NTN1: variants seen among roughly 807,000 people sequenced by gnomAD.
NTN1 encodes netrin-1.
In NTN1, 11 loss-of-function variants were observed where a neutral mutation model predicts 54.2. That is an observed-to-expected ratio of 0.20 (90% CI 0.13 to 0.34). NTN1 has a LOEUF of 0.34. Ranked by LOEUF, NTN1 falls within the 10% of genes least tolerant of loss-of-function variation. The pLI is 1.00. For synonymous variants in NTN1, 371 were observed against 382.0 expected (o/e 0.97, Z 0.33); for missense variants, 740 against 893.1 (o/e 0.83, Z 2.18).
rs149600082 is a variant in NTN1, at chr17:9,135,962, A to G, written c.1019-26851A>G. ...CGCACGCTCACTCATACATGTGTGCACGTGCCTACTCAAACTCGACACCCA... is the reference window on the plus strand; with the variant it reads ...CGCACGCTCACTCATACATGTGTGCGCGTGCCTACTCAAACTCGACACCCA... On this transcript the variant is annotated intron_variant, in intron 2 of 6. Transcript: ENST00000173229. The surrounding 1 kb of genome is among the most constrained non-coding windows in gnomAD (Gnocchi z 4.4). Among the ~76,000 whole-genome samples, 582 of 152,286 alleles carry G rather than the reference A, an allele frequency of 3.8e-3. 3 individuals are homozygous for G. The highest frequency in any genetic ancestry group is 0.014 in the African/African-American group (565 of 41,562).
intron 2 of NTN1, among the ~76,000 whole-genome samples, chr17:9,061,501 T>C (rs1231775237): frequency 6.6e-6 from 1 of 152,134 alleles, no homozygotes; most frequent in African/African-American, 2.4e-5. Context: ...CAAGTGGTTG[T>C]CACATTTTGG....
chr17:9,144,263 ATG>A (rs2092306861), intron 2 of NTN1, among the ~76,000 whole-genome samples: 1 of 151,706 alleles, frequency 6.6e-6, no homozygotes, highest in African/African-American at 2.4e-5. Flanking sequence ...CTGTAGAGCC[ATG>A]TGTCCAGCAT....
intron 4 of NTN1, among the ~76,000 whole-genome samples, chr17:9,182,500 C>T (rs1301427332): frequency 1.3e-5 from 2 of 152,232 alleles, no homozygotes; most frequent in Non-Finnish European, 2.9e-5. Context: ...GCTATCCTGC[C>T]ATGGATCCTT....
At chr17:9,073,220 C>T (rs1353011121) in intron 2 of NTN1, among the ~76,000 whole-genome samples, 2 of 152,192 alleles carry the variant, frequency 1.3e-5, no homozygotes, top group Admixed American at 1.3e-4. Flanking sequence ...CACCTGGGCC[C>T]CAGACACCTG....
intron 2 of NTN1, among the ~76,000 whole-genome samples, chr17:9,140,847 C>T (rs2092295611): frequency 6.6e-6 from 1 of 152,140 alleles, no homozygotes; most frequent in Non-Finnish European, 1.5e-5. Context: ...GACCCCTGTG[C>T]CAGTCTAAGA....
chr17:9,119,914 A>G (rs866726937), intron 2 of NTN1, among the ~76,000 whole-genome samples: 53 of 152,210 alleles, frequency 3.5e-4, no homozygotes, highest in African/African-American at 9.9e-4. Context: ...CTTCCTGGCT[A>G]TTTGTATACG....
Position 9,152,807 on chromosome 17 carries a change from G to A in NTN1, c.1019-10006G>A, listed in dbSNP as rs147101604. Among the ~76,000 whole-genome samples, 466 of 152,286 alleles carry A rather than the reference G, an allele frequency of 3.1e-3. 2 individuals carry two copies. Among genetic ancestry groups the A allele is most frequent in the African/African-American group, 0.01 (434 of 41,552 alleles). Reference sequence around the variant, plus strand: ...CGCAGATGTCTTCATTTTTCAGATGGGAGAATGGGTTCAGAGGGGCCAAGT... The same window carrying A: ...CGCAGATGTCTTCATTTTTCAGATGAGAGAATGGGTTCAGAGGGGCCAAGT... On this transcript the variant is annotated intron_variant, in intron 2 of 6. Coordinates refer to ENST00000173229, the MANE Select transcript of NTN1 (RefSeq NM_004822.3).
chr17:9,164,092 G>A (rs1438526967), intron 3 of NTN1, among the ~76,000 whole-genome samples: 1 of 152,266 alleles, frequency 6.6e-6, no homozygotes, highest in African/African-American at 2.4e-5. Flanking sequence ...TTAACAGGAA[G>A]TCCACCAGAT....
intron 2 of NTN1, among the ~76,000 whole-genome samples, chr17:9,081,630 T>C (rs1364668210): frequency 1.3e-5 from 2 of 152,224 alleles, no homozygotes; most frequent in African/African-American, 2.4e-5. Flanking sequence ...GGAAGCCGAC[T>C]GCTGTCGCAG....
At chr17:9,095,633 C>T (rs1012077920) in intron 2 of NTN1, among the ~76,000 whole-genome samples, 3 of 152,164 alleles carry the variant, frequency 2.0e-5, no homozygotes, top group African/African-American at 7.2e-5. Context: ...GGGCATGAAT[C>T]CCATGATTAC....
intron 2 of NTN1, among the ~76,000 whole-genome samples, chr17:9,109,096 C>T (rs192828075): frequency 3.3e-5 from 5 of 152,206 alleles, no homozygotes; most frequent in South Asian, 2.1e-4. Context: ...AGGCTGGTCT[C>T]GAACTCCTGA....
chr17:9,186,015 C>G (rs908701162), intron 5 of NTN1, among the ~76,000 whole-genome samples: 4 of 151,896 alleles, frequency 2.6e-5, no homozygotes, highest in African/African-American at 9.7e-5. Context: ...GCTCCTCCTG[C>G]TGGGGTTTCC....
At chr17:9,157,716 G>T (rs927565675) in intron 2 of NTN1, among the ~76,000 whole-genome samples, 1 of 152,184 alleles carries the variant, frequency 6.6e-6, no homozygotes, top group African/African-American at 2.4e-5. Context: ...GGTACCCCTG[G>T]ATAAGAGGCA....
chr17:9,241,067 G>A lies in NTN1; in HGVS notation c.*1099G>A, dbSNP rs556569841. 6.6e-6 allele frequency: 1 copy of A among 152,502 alleles called. No individual in the cohort carries two copies. Among genetic ancestry groups the A allele is most frequent in the Admixed American group, 6.5e-5 (1 of 15,308 alleles). The allele number at this position is 152,502 out of a possible 1,614,324, so 9.4% of individuals were successfully genotyped here. ...AACGGGCTTGGAGTCTGCAGGCTGC[G>A]AAGGCACTTGGGCCTGGCTTGGGGC... On this transcript the variant is annotated 3_prime_UTR_variant, in exon 7 of 7. Coordinates refer to ENST00000173229, the MANE Select transcript of NTN1 (RefSeq NM_004822.3).
the NTN1 span, among the ~76,000 whole-genome samples, chr17:9,011,071 T>C: frequency 6.6e-6 from 1 of 152,074 alleles, no homozygotes. Flanking sequence ...TCATGTGCAG[T>C]TCTCAACAGC....
chr17:9,110,931 C>CTTTTTT (rs34319949), intron 2 of NTN1, among the ~76,000 whole-genome samples: 8 of 104,360 alleles, frequency 7.7e-5, no homozygotes, highest in Non-Finnish European at 1.1e-4. Flanking sequence ...AATTCAGGAT[C>CTTTTTT]TTTTTTTTTT....
the NTN1 span, among the ~76,000 whole-genome samples, chr17:9,004,891 T>A: frequency 6.6e-6 from 1 of 152,232 alleles, no homozygotes; most frequent in Non-Finnish European, 1.5e-5. Context: ...AAGGGGAGTT[T>A]CTGGAATGGC....
At chr17:9,151,460 A>G (rs1468802412) in intron 2 of NTN1, among the ~76,000 whole-genome samples, 1 of 152,134 alleles carries the variant, frequency 6.6e-6, no homozygotes, top group Non-Finnish European at 1.5e-5. Flanking sequence ...GACTCCGGGC[A>G]CTGAGGTTCC....
intron 2 of NTN1, among the ~76,000 whole-genome samples, chr17:9,031,190 A>T (rs995077950): frequency 6.6e-6 from 1 of 152,156 alleles, no homozygotes; most frequent in Non-Finnish European, 1.5e-5. Context: ...TAAATAACTG[A>T]GTCCTATGTA....
Sources: allele counts gnomAD v4.1 joint callset (sites outside exome capture counted in the v4.1 genomes callset), GRCh38; gene constraint gnomAD v4.1.1; non-coding constraint Gnocchi (gnomAD v3.1); transcripts MANE v1.5; gene names NCBI Gene and HGNC (gene_info 2026-07-23, HGNC 2026-07-21).